Variants in PRR16 observed in about 807,000 individuals in gnomAD.
PRR16 encodes proline rich 16, also known as protein Largen.
In PRR16, 6 loss-of-function variants were observed where a neutral mutation model predicts 18.2. That is an observed-to-expected ratio of 0.33 (90% CI 0.18 to 0.65). The LOEUF is 0.65. Among genes scored for constraint, PRR16 ranks in the 30% least tolerant of loss-of-function variants. The pLI, the probability that PRR16 is intolerant of heterozygous loss-of-function variation, is 0.74. For synonymous variants in PRR16, 151 were observed against 147.8 expected, an observed-to-expected ratio of 1.02 and a Z score of -0.16; for missense variants, 412 against 376.6, an observed-to-expected ratio of 1.09 and a Z score of -0.78.
rs1757152092 is a variant in PRR16, at chr5:120,687,125, TTTA to T, written c.*422_*424del. On this transcript the variant is annotated 3_prime_UTR_variant, in exon 2 of 2. Transcript: ENST00000407149. ...GGAAATTTTAATACTGAAGGACTAT[TTTA>T]TTATTTTTTTCTAAAGATGTTTGTC... The T allele has an allele frequency of 6.5e-6, 1 of 153,590 alleles. No homozygotes were observed. Among genetic ancestry groups the T allele is most frequent in the Non-Finnish European group, 1.5e-5 (1 of 68,744 alleles). The allele number at this position is 153,590 out of a possible 1,614,324, so 9.5% of individuals were successfully genotyped here.
At chr5:120,485,468 C>T (rs1749766466) in intron 1 of PRR16, among the ~76,000 whole-genome samples, 2 of 152,176 alleles carry the variant, frequency 1.3e-5, no homozygotes, top group South Asian at 4.1e-4. Flanking sequence ...CAGACATTGA[C>T]GTGATTATCT....
chr5:120,668,095 C>T (rs1161164794), intron 1 of PRR16, among the ~76,000 whole-genome samples: 1 of 152,020 alleles, frequency 6.6e-6, no homozygotes, highest in African/African-American at 2.4e-5. Flanking sequence ...GTCTAAGTCT[C>T]TTTGTAGGTC....
intron 1 of PRR16, among the ~76,000 whole-genome samples, chr5:120,678,100 G>A (rs910894287): frequency 6.6e-6 from 1 of 151,846 alleles, no homozygotes; most frequent in Non-Finnish European, 1.5e-5. Flanking sequence ...TAGTAGAGAC[G>A]GCGTTTAGCC....
intron 1 of PRR16, among the ~76,000 whole-genome samples, chr5:120,642,658 A>G (rs1374087736): frequency 2.6e-5 from 4 of 152,116 alleles, no homozygotes; most frequent in Non-Finnish European, 4.4e-5. Context: ...GAGATTTATC[A>G]TACCACTTTC....
At chr5:120,489,119 G>T (rs939115221) in intron 1 of PRR16, among the ~76,000 whole-genome samples, 10 of 152,208 alleles carry the variant, frequency 6.6e-5, no homozygotes, top group Non-Finnish European at 1.3e-4. Flanking sequence ...TGAAAAGAAT[G>T]TATATTCTGT....
intron 1 of PRR16, among the ~76,000 whole-genome samples, chr5:120,573,540 A>T (rs1318213537): frequency 1.3e-5 from 2 of 152,162 alleles, no homozygotes; most frequent in Admixed American, 1.3e-4. Context: ...CTAATTTAGT[A>T]AAGCTTTAGA....
rs76678581 is a variant in PRR16 at position 120,544,268 on chromosome 5, A to T, written c.159+79623A>T. 2.6e-5 allele frequency among the ~76,000 whole-genome samples: 4 copies of T among 152,140 alleles called. No individual in the cohort carries two copies. The South Asian group carries it at 6.2e-4, about 24-fold the overall frequency. ...GCCAGATCTTCTGACCTTTCAAAGG[A>T]TGCTACACAAAAGGCTATTTATGTG... On this transcript the variant is annotated intron_variant, in intron 1 of 1. Transcript: ENST00000407149.
chr5:120,738,729 T>C, the PRR16 span, among the ~76,000 whole-genome samples: 5 of 152,168 alleles, frequency 3.3e-5, no homozygotes, highest in African/African-American at 1.2e-4. Context: ...ACCGACTTGA[T>C]TGGACTTCAT....
the PRR16 span, among the ~76,000 whole-genome samples, chr5:120,728,323 AC>A: frequency 1.0e-5 from 1 of 100,354 alleles, no homozygotes; most frequent in Non-Finnish European, 1.8e-5. Context: ...TTCAAAAATA[AC>A]CTTTTTTTTT....
At chr5:120,671,770 TTCTC>T (rs1756614104) in intron 1 of PRR16, among the ~76,000 whole-genome samples, 1 of 152,284 alleles carries the variant, frequency 6.6e-6, no homozygotes, top group South Asian at 2.1e-4. Flanking sequence ...CACGTGAATC[TTCTC>T]TCTATGAAAG....
At chr5:120,478,677 A>G (rs569692983) in intron 1 of PRR16, among the ~76,000 whole-genome samples, 1 of 152,284 alleles carries the variant, frequency 6.6e-6, no homozygotes, top group South Asian at 2.1e-4. Context: ...ACTCTGATTT[A>G]GGAGTGCCCA....
chr5:120,594,022 A>C (rs779065270), intron 1 of PRR16, among the ~76,000 whole-genome samples: 1 of 152,160 alleles, frequency 6.6e-6, no homozygotes, highest in Non-Finnish European at 1.5e-5. Context: ...AGAGCCACTT[A>C]TGACAAACCC....
chr5:120,497,239 T>A (rs980340921), intron 1 of PRR16, among the ~76,000 whole-genome samples: 5 of 152,156 alleles, frequency 3.3e-5, no homozygotes, highest in African/African-American at 1.2e-4. Flanking sequence ...TACTGTTTAC[T>A]TCTTCTGTAT....
chr5:120,546,835 A>G (rs560806043), intron 1 of PRR16, among the ~76,000 whole-genome samples: 1 of 152,120 alleles, frequency 6.6e-6, no homozygotes, highest in South Asian at 2.1e-4. Flanking sequence ...AAAGAAAGCA[A>G]TGTTATTAAG....
At chr5:120,566,353 C>T (rs1034697715) in intron 1 of PRR16, among the ~76,000 whole-genome samples, 2 of 152,188 alleles carry the variant, frequency 1.3e-5, no homozygotes, top group African/African-American at 4.8e-5. Context: ...TCTGTTACAG[C>T]AGCAGAAAAT....
intron 1 of PRR16, chr5:120,465,803 C>G (rs1322405288): frequency 6.5e-6 from 1 of 152,998 alleles, no homozygotes; most frequent in Non-Finnish European, 1.5e-5. Context: ...GGGGCGTAGT[C>G]TAGGTCCAAA....
the PRR16 span, among the ~76,000 whole-genome samples, chr5:120,771,070 G>A: frequency 6.6e-6 from 1 of 151,164 alleles, no homozygotes; most frequent in African/African-American, 2.4e-5. Context: ...TTCATTTCTG[G>A]TACCTTGTAT....
At chr5:120,470,366 G>A (rs1749229523) in intron 1 of PRR16, among the ~76,000 whole-genome samples, 2 of 151,848 alleles carry the variant, frequency 1.3e-5, no homozygotes, top group Admixed American at 6.6e-5. Flanking sequence ...GAAATATAAA[G>A]GAGAAAACAA....
rs142892552 is a variant in PRR16 at position 120,493,709 on chromosome 5, C to G, written c.159+29064C>G. Among the ~76,000 whole-genome samples, 56 of 152,220 alleles carry G rather than the reference C, an allele frequency of 3.7e-4. No homozygotes were observed. In the East Asian group the frequency reaches 9.9e-3, roughly 27 times the overall value. On this transcript the variant is annotated intron_variant, in intron 1 of 1. Transcript: ENST00000407149. ...CTACTGTTGACATAGACTTCCTAGCCCCGGACAATCACTAATCTGTTTTCC... is the reference window on the plus strand; with the variant it reads ...CTACTGTTGACATAGACTTCCTAGCGCCGGACAATCACTAATCTGTTTTCC...
Sources: gnomAD v4.1 joint callset for allele counts (sites outside exome capture counted in the v4.1 genomes callset) on GRCh38, gnomAD v4.1.1 for gene constraint, MANE v1.5 for transcripts, NCBI Gene and HGNC (gene_info 2026-07-23, HGNC 2026-07-21) for gene names.